The following RIT2 variants were observed in gnomAD, a reference collection of about 807,000 sequenced individuals.
The protein encoded by RIT2 is Ras like without CAAX 2, also known as GTP-binding protein Rit2.
RIT2 carries 24 observed loss-of-function variants against 23.7 expected under a neutral mutation model. The ratio of observed to expected loss-of-function variants is 1.01; its 90% CI spans 0.73 to 1.43. RIT2 has a LOEUF of 1.43. Ranked by LOEUF, RIT2 falls within the 40% of genes most tolerant of loss-of-function variation. The pLI is 0.00. For missense variants in RIT2, 236 were observed against 266.9 expected (o/e 0.88, Z 0.81); for synonymous variants, 107 against 91.1 (o/e 1.17, Z -0.99).
chr18:43,064,088 AT>A (rs1912715681), intron 1 of RIT2, among the ~76,000 whole-genome samples: 1 of 152,224 alleles, frequency 6.6e-6, no homozygotes, highest in East Asian at 1.9e-4. Context: ...CTTAACATTT[AT>A]TCAATAAGGT....
At chr18:43,038,750 A>G (rs1912052138) in intron 1 of RIT2, among the ~76,000 whole-genome samples, 1 of 152,188 alleles carries the variant, frequency 6.6e-6, no homozygotes, top group African/African-American at 2.4e-5. Context: ...AATATTTATT[A>G]GCTTAAAACA....
intron 4 of RIT2, among the ~76,000 whole-genome samples, chr18:42,828,447 T>C (rs1182472146): frequency 1.3e-5 from 2 of 152,248 alleles, no homozygotes; most frequent in Non-Finnish European, 2.9e-5. Flanking sequence ...ACCATTCATT[T>C]ACATAATGCA....
At chr18:43,061,586 A>C (rs973431411) in intron 1 of RIT2, among the ~76,000 whole-genome samples, 9 of 152,166 alleles carry the variant, frequency 5.9e-5, no homozygotes, top group African/African-American at 2.2e-4. Context: ...GAGAATTTTC[A>C]TTTCTGTTTT....
intron 4 of RIT2, among the ~76,000 whole-genome samples, chr18:42,785,655 G>C (rs982710398): frequency 6.6e-6 from 1 of 152,118 alleles, no homozygotes; most frequent in Non-Finnish European, 1.5e-5. Context: ...TTGAGCATAT[G>C]TGGAACTCAT....
At chr18:42,855,224 T>C (rs1224735298) in intron 4 of RIT2, among the ~76,000 whole-genome samples, 1 of 152,184 alleles carries the variant, frequency 6.6e-6, no homozygotes, top group Admixed American at 6.5e-5. Flanking sequence ...CAAGGCCTGG[T>C]GGGATCTTGC....
rs1022235145 is a variant in RIT2, at chr18:42,987,942, T to A, written c.161-13795A>T. Among the ~76,000 whole-genome samples, 9 of 152,128 alleles carry A rather than the reference T, an allele frequency of 5.9e-5. No individual in the cohort carries two copies. In the East Asian group the frequency reaches 9.6e-4, roughly 16 times the overall value. ...AACCATGAGAGTAGTACCAAGCCAT[T>A]TATAAGGGATCCACCCGCATGACCC... On this transcript the variant is annotated intron_variant, in intron 2 of 4. Coordinates refer to ENST00000326695, the MANE Select transcript of RIT2 (RefSeq NM_002930.4).
chr18:42,841,070 C>A lies in RIT2; in HGVS notation c.426+82502G>T, dbSNP rs561966528. 1.3e-5 allele frequency among the ~76,000 whole-genome samples: 2 copies of A among 151,988 alleles called. 1 individual carries two copies. Among genetic ancestry groups the A allele is most frequent in the South Asian group, 4.2e-4 (2 of 4,798 alleles). On this transcript the variant is annotated intron_variant, in intron 4 of 4. Coordinates refer to ENST00000326695, the MANE Select transcript of RIT2 (RefSeq NM_002930.4). Reference sequence around the variant, plus strand: ...AGGCAGAAATTGGTACCTAAGGATACTAAGTAGAAGGAACACAGAAGATGT... The same window carrying A: ...AGGCAGAAATTGGTACCTAAGGATAATAAGTAGAAGGAACACAGAAGATGT...
chr18:42,944,874 T>C (rs751796805), intron 3 of RIT2, among the ~76,000 whole-genome samples: 7 of 152,060 alleles, frequency 4.6e-5, no homozygotes, highest in Non-Finnish European at 8.8e-5. Context: ...ATATACAATT[T>C]ATAAGAGCCA....
At chr18:42,886,713 T>C (rs1908031582) in intron 4 of RIT2, among the ~76,000 whole-genome samples, 2 of 152,128 alleles carry the variant, frequency 1.3e-5, no homozygotes, top group African/African-American at 4.8e-5. Flanking sequence ...ATTAATATAA[T>C]AAATAAAATG....
intron 1 of RIT2, among the ~76,000 whole-genome samples, chr18:43,061,088 G>A (rs1473716321): frequency 6.6e-6 from 1 of 152,024 alleles, no homozygotes. Flanking sequence ...TATACTGTAA[G>A]GTAAGTAGTA....
chr18:43,006,507 G>A (rs536868530), intron 2 of RIT2, among the ~76,000 whole-genome samples: 2 of 151,644 alleles, frequency 1.3e-5, no homozygotes, highest in Non-Finnish European at 3.0e-5. Context: ...TCAGAATTAG[G>A]AGAATTAGGA....
intron 4 of RIT2, among the ~76,000 whole-genome samples, chr18:42,814,472 A>T (rs1221617020): frequency 6.6e-6 from 1 of 152,092 alleles, no homozygotes; most frequent in Non-Finnish European, 1.5e-5. Flanking sequence ...GACAACCTGC[A>T]TGACATAGTA....
At chr18:42,799,611 A>G (rs1038832642) in intron 4 of RIT2, among the ~76,000 whole-genome samples, 2 of 152,152 alleles carry the variant, frequency 1.3e-5, no homozygotes, top group Non-Finnish European at 1.5e-5. Flanking sequence ...TCTTTTCTTC[A>G]ATGACCACTT....
intron 4 of RIT2, among the ~76,000 whole-genome samples, chr18:42,921,116 G>C (rs1436100329): frequency 6.6e-6 from 1 of 151,996 alleles, no homozygotes; most frequent in Non-Finnish European, 1.5e-5. Flanking sequence ...TCAAATGCTT[G>C]GCTTACAAAT....
intron 2 of RIT2, among the ~76,000 whole-genome samples, chr18:43,010,254 G>A (rs538793073): frequency 4.8e-4 from 73 of 151,858 alleles, no homozygotes; most frequent in Middle Eastern, 3.4e-3. Context: ...TGTCAAACTT[G>A]AATTAGGCTG....
At chr18:42,980,100 A>T (rs1314650052) in intron 2 of RIT2, among the ~76,000 whole-genome samples, 1 of 152,158 alleles carries the variant, frequency 6.6e-6, no homozygotes, top group African/African-American at 2.4e-5. Context: ...GTGAAATGTC[A>T]TAAAAGTCTA....
intron 1 of RIT2, among the ~76,000 whole-genome samples, chr18:43,058,376 T>TC (rs1254757979): frequency 1.1e-4 from 16 of 152,092 alleles, no homozygotes; most frequent in African/African-American, 3.6e-4. Context: ...AGCTTTAGAT[T>TC]CACCCGGGAG....
intron 1 of RIT2, among the ~76,000 whole-genome samples, chr18:43,056,777 T>C (rs972616433): frequency 6.6e-6 from 1 of 152,072 alleles, no homozygotes; most frequent in African/African-American, 2.4e-5. Context: ...GTCCTGACAG[T>C]CAAGCATTTC....
intron 1 of RIT2, among the ~76,000 whole-genome samples, chr18:43,076,138 C>T (rs556554310): frequency 2.6e-5 from 4 of 152,176 alleles, no homozygotes; most frequent in Non-Finnish European, 5.9e-5. Flanking sequence ...GTGGTACTTA[C>T]AGCTTCACAT....
Sources: gnomAD v4.1 joint callset for allele counts (sites outside exome capture counted in the v4.1 genomes callset) on GRCh38, gnomAD v4.1.1 for gene constraint, MANE v1.5 for transcripts, NCBI Gene and HGNC (gene_info 2026-07-23, HGNC 2026-07-21) for gene names.